PTPRQ: variants seen among roughly 807,000 people sequenced by gnomAD.
PTPRQ encodes phosphatidylinositol phosphatase PTPRQ.
Under a neutral mutation model 246.0 loss-of-function variants are expected in PTPRQ, and 199 were observed. The ratio of observed to expected loss-of-function variants is 0.81; its 90% confidence interval spans 0.72 to 0.91. The LOEUF is 0.91. Among genes scored for constraint, PTPRQ ranks in the 40% least tolerant of loss-of-function variants. The pLI is 0.00. For missense variants in PTPRQ, 2,624 were observed against 2,528.4 expected (o/e 1.04, Z -0.81); for synonymous variants, 869 against 853.2 (o/e 1.02, Z -0.32).
intron 17 of PTPRQ, among the ~76,000 whole-genome samples, chr12:80,514,355 T>C (rs11114491): frequency 0.53 from 76,092 of 143,742 alleles, 22,742 homozygotes; most frequent in Non-Finnish European, 0.67. Flanking sequence ...TTTCCCTCAG[T>C]AAAACTTGGC....
At chr12:80,527,575 A>T (rs12814121) in intron 17 of PTPRQ, among the ~76,000 whole-genome samples, 1 of 152,182 alleles carries the variant, frequency 6.6e-6, no homozygotes, top group African/African-American at 2.4e-5. Context: ...AATTTACAAA[A>T]GAGAAAAACA....
intron 25 of PTPRQ, among the ~76,000 whole-genome samples, chr12:80,585,955 T>C (rs1300304857): frequency 7.0e-6 from 1 of 142,272 alleles, no homozygotes; most frequent in East Asian, 2.2e-4. Flanking sequence ...CATTGTTCAA[T>C]TCCCACCTAT....
intron 25 of PTPRQ, chr12:80,561,702 T>A (rs1896832093): frequency 6.6e-6 from 1 of 152,190 alleles, no homozygotes; most frequent in Non-Finnish European, 1.5e-5. Flanking sequence ...TGCTTGAGAT[T>A]CTCTGCGTAG....
chr12:80,679,763 G>C lies in PTPRQ; in HGVS notation c.*740G>C, dbSNP rs535428738. 1.3e-5 allele frequency: 2 copies of C among 151,886 alleles called. No homozygotes were observed. Among genetic ancestry groups the C allele is most frequent in the Non-Finnish European group, 2.9e-5 (2 of 67,912 alleles). The allele number at this position is 151,886 out of a possible 1,614,324, so 9.4% of individuals were successfully genotyped here. A position where few individuals can be genotyped will look rare whatever the true frequency, so the allele number is the denominator to read the frequency against. On this transcript the variant is annotated 3_prime_UTR_variant, in exon 45 of 45. Coordinates refer to ENST00000644991, the MANE Select transcript of PTPRQ (RefSeq NM_001145026.2). ...CTTTAAAACACAAGTTTTACCCCCT[G>C]TATTGTATATTCAAATATATAGTAA...
At chr12:80,502,944 A>C (rs543771399) in intron 14 of PTPRQ, among the ~76,000 whole-genome samples, 2 of 151,938 alleles carry the variant, frequency 1.3e-5, no homozygotes, top group African/African-American at 4.8e-5. Context: ...GTAGGGAAGA[A>C]GTCAGTTATC....
intron 38 of PTPRQ, among the ~76,000 whole-genome samples, chr12:80,654,871 A>C (rs1900380492): frequency 6.6e-6 from 1 of 151,624 alleles, no homozygotes; most frequent in African/African-American, 2.4e-5. Context: ...AAAAATAATA[A>C]TAATAATTAA....
At chr12:80,655,901 T>C (rs2121242966) in intron 38 of PTPRQ, among the ~76,000 whole-genome samples, 1 of 152,292 alleles carries the variant, frequency 6.6e-6, no homozygotes, top group Non-Finnish European at 1.5e-5. Flanking sequence ...GACATTAGCT[T>C]AAAACACTTT....
chr12:80,534,250 C>G, intron 18 of PTPRQ, 75 bp downstream of exon 18: 1 of 1,342,062 alleles, frequency 7.5e-7, no homozygotes, highest in Non-Finnish European at 9.8e-7. Context: ...GAAAAATATT[C>G]AAATATCAAA....
At chr12:80,471,278 T>C (rs1449837543) in intron 7 of PTPRQ, among the ~76,000 whole-genome samples, 1 of 151,886 alleles carries the variant, frequency 6.6e-6, no homozygotes, top group Non-Finnish European at 1.5e-5. Flanking sequence ...CCATTTGGGG[T>C]GGCTGCAGGG....
rs555518119 is a variant in PTPRQ, at chr12:80,669,124, T to C, written c.6310T>C (p.Cys2104Arg). Residue 2104 changes from cysteine to arginine, a missense_variant, in exon 40 of 45, where the codon TGT (cysteine) becomes CGT (arginine). Physicochemically the swap from Cys to Arg is radical, Grantham distance 180. Transcript: ENST00000644991. ...AAAAACATTAGTAATGCTAACACAG[T>C]GTTTTGAAAAAGGACGGGTAAGTTA... ...RAKTLVMLTQ[C>R]FEKGRIRCHQ... The C allele has an allele frequency of 2.6e-6, 4 of 1,546,614 alleles. No individual in the cohort carries two copies. In the South Asian group the frequency reaches 4.8e-5, roughly 19 times the overall value.
At chr12:80,633,013 C>T (rs1348058997) in intron 34 of PTPRQ, among the ~76,000 whole-genome samples, 1 of 152,156 alleles carries the variant, frequency 6.6e-6, no homozygotes, top group Non-Finnish European at 1.5e-5. Context: ...CAGTGTTTTC[C>T]TCTTCCTACT....
chr12:80,463,749 T>A (rs1893292772), intron 6 of PTPRQ, among the ~76,000 whole-genome samples: 1 of 151,190 alleles, frequency 6.6e-6, no homozygotes, highest in Non-Finnish European at 1.5e-5. Context: ...AATCCAGAAT[T>A]TCATATCCAG....
chr12:80,569,205 T>G (rs1036143905), intron 25 of PTPRQ, among the ~76,000 whole-genome samples: 1 of 150,734 alleles, frequency 6.6e-6, no homozygotes, highest in East Asian at 1.9e-4. Context: ...AGTGAGAATA[T>G]GCGGTGTTTG....
chr12:80,652,858 T>A, intron 38 of PTPRQ, 24 bp downstream of exon 38: 1 of 1,451,822 alleles, frequency 6.9e-7, no homozygotes, highest in Non-Finnish European at 9.1e-7. Flanking sequence ...TTGGTTTTGG[T>A]TTAGCTAGGA....
At chr12:80,605,899 G>T (rs980681939) in intron 27 of PTPRQ, among the ~76,000 whole-genome samples, 5 of 151,114 alleles carry the variant, frequency 3.3e-5, no homozygotes, top group Admixed American at 1.3e-4. Context: ...CAGTGTAGAG[G>T]ATAGATTGAG....
At chr12:80,483,941 T>A (rs530426143) in intron 8 of PTPRQ, among the ~76,000 whole-genome samples, 1 of 152,236 alleles carries the variant, frequency 6.6e-6, no homozygotes, top group East Asian at 1.9e-4. Flanking sequence ...CTTATTTAAT[T>A]TTTAACAAAA....
At chr12:80,521,747 G>T (rs184522236) in intron 17 of PTPRQ, among the ~76,000 whole-genome samples, 2 of 152,294 alleles carry the variant, frequency 1.3e-5, no homozygotes, top group East Asian at 3.9e-4. Flanking sequence ...CCAGTACCAT[G>T]CTGTTTTGGT....
At chr12:80,508,542 C>T (rs181243329) in intron 16 of PTPRQ, among the ~76,000 whole-genome samples, 178 of 151,966 alleles carry the variant, frequency 1.2e-3, no homozygotes, top group African/African-American at 3.6e-3. Context: ...TTTGTGAAGT[C>T]CTCATGCCAG....
intron 3 of PTPRQ, chr12:80,454,537 T>G: frequency 1.4e-6 from 1 of 702,584 alleles, no homozygotes; most frequent in Non-Finnish European, 2.6e-6. Flanking sequence ...GACATCCTAC[T>G]TTTGTTGCAT....
Sources: gnomAD v4.1 joint callset for allele counts (sites outside exome capture counted in the v4.1 genomes callset) on GRCh38, gnomAD v4.1.1 for gene constraint, MANE v1.5 for transcripts, NCBI Gene and HGNC (gene_info 2026-07-23, HGNC 2026-07-21) for gene names.